Variants in NRG1 observed in about 807,000 individuals in gnomAD.
The protein encoded by NRG1 is pro-neuregulin-1, membrane-bound isoform.
Under a neutral mutation model 63.8 loss-of-function variants are expected in NRG1, and 18 were observed. The observed-to-expected ratio is 0.28, with a 90% CI of 0.19 to 0.42. NRG1 has a LOEUF of 0.42. Among genes scored for constraint, NRG1 ranks in the 10% least tolerant of loss-of-function variants. NRG1 has a pLI of 1.00. For synonymous variants in NRG1, 302 were observed against 301.3 expected, an observed-to-expected ratio of 1.00 and a Z score of -0.02; for missense variants, 762 against 814.7, an observed-to-expected ratio of 0.94 and a Z score of 0.79.
intron 1 of NRG1, among the ~76,000 whole-genome samples, chr8:31,789,953 T>G (rs976505930): frequency 6.6e-6 from 1 of 152,184 alleles, no homozygotes; most frequent in Admixed American, 6.5e-5. Flanking sequence ...TGATCTTTTT[T>G]TAGGGAATTA....
At chr8:32,204,355 A>C (rs1328563899) in intron 1 of NRG1, among the ~76,000 whole-genome samples, 3 of 152,208 alleles carry the variant, frequency 2.0e-5, no homozygotes, top group African/African-American at 7.2e-5. Context: ...GCATGGTTTT[A>C]CATGAACCTA....
intron 1 of NRG1, among the ~76,000 whole-genome samples, chr8:31,707,166 ATCTT>A (rs1482280021): frequency 3.9e-5 from 6 of 152,078 alleles, no homozygotes; most frequent in African/African-American, 1.4e-4. Flanking sequence ...CTTTTGTATT[ATCTT>A]TAATATCACA....
Position 32,728,142 on chromosome 8 carries a change from C to T in NRG1, c.632+64C>T, listed in dbSNP as rs982506950. 5 of 1,595,080 alleles carry T rather than the reference C, an allele frequency of 3.1e-6. No homozygotes were observed. The African/African-American group carries it at 5.4e-5, about 17-fold the overall frequency. ...CTCCTTGTTTCAGATGATTCTATGT[C>T]TCATGATGTATTGTTGCTTTTTTTC... On this transcript the variant is annotated intron_variant, in intron 6 of 11. Transcript: ENST00000356819.
chr8:32,671,269 C>T lies in NRG1; in HGVS notation c.502+54384C>T, dbSNP rs144521470. Among the ~76,000 whole-genome samples the T allele has an allele frequency of 2.7e-3, 417 of 152,250 alleles. 2 individuals are homozygous for T. Among genetic ancestry groups the T allele is most frequent in the African/African-American group, 9.1e-3 (378 of 41,548 alleles). ...TTTCCTCACCTCTTCCTTTGTTCCTCCTCATCATATTACAACCTTCTGCTT... is the reference window on the plus strand; with the variant it reads ...TTTCCTCACCTCTTCCTTTGTTCCTTCTCATCATATTACAACCTTCTGCTT... On this transcript the variant is annotated intron_variant, in intron 5 of 11. Transcript: ENST00000356819.
In NRG1 at chr8:32,170,778, C is replaced by T. The variant is rs149031222; in HGVS notation, c.38-425050C>T. Among the ~76,000 whole-genome samples the T allele has an allele frequency of 9.7e-4, 147 of 152,276 alleles. 1 individual carries two copies. Among genetic ancestry groups the T allele is most frequent in the African/African-American group, 3.4e-3 (141 of 41,568 alleles). On this transcript the variant is annotated intron_variant, in intron 1 of 10. Coordinates refer to the NRG1 transcript ENST00000519301. The stretch of plus-strand genomic sequence containing the variant: ...GTCTCCAAAGTGATTGCTCTAGAGA[C>T]ATTTATCAATCCACCGGTGGCTTCT...
At chr8:32,132,342 C>G (rs1192068280) in intron 1 of NRG1, among the ~76,000 whole-genome samples, 1 of 151,622 alleles carries the variant, frequency 6.6e-6, no homozygotes, top group East Asian at 1.9e-4. Context: ...TTTGAACAGC[C>G]CTTTTCTTAA....
chr8:32,211,128 T>TTTC (rs776798285), intron 1 of NRG1, among the ~76,000 whole-genome samples: 10 of 152,204 alleles, frequency 6.6e-5, no homozygotes, highest in Non-Finnish European at 1.2e-4. Context: ...TTTTGGTGTG[T>TTTC]TTCTTATAGC....
chr8:31,852,731 T>C (rs984928740), intron 1 of NRG1, among the ~76,000 whole-genome samples: 2 of 152,258 alleles, frequency 1.3e-5, no homozygotes, highest in Non-Finnish European at 2.9e-5. Context: ...TCTAGGGTTT[T>C]CATGGCTTTA....
chr8:32,220,226 T>A (rs894124021), intron 1 of NRG1, among the ~76,000 whole-genome samples: 4 of 152,210 alleles, frequency 2.6e-5, no homozygotes, highest in Non-Finnish European at 5.9e-5. Flanking sequence ...TTGTTATTTT[T>A]AAAAATGTCT....
At chr8:32,174,503 T>C (rs1840462457) in intron 1 of NRG1, among the ~76,000 whole-genome samples, 1 of 151,608 alleles carries the variant, frequency 6.6e-6, no homozygotes, top group Non-Finnish European at 1.5e-5. Flanking sequence ...CTGAAGGAAA[T>C]AGAGACACAA....
At chr8:32,274,436 CT>C (rs1345846940) in intron 1 of NRG1, among the ~76,000 whole-genome samples, 1 of 152,196 alleles carries the variant, frequency 6.6e-6, no homozygotes, top group African/African-American at 2.4e-5. Flanking sequence ...ACTGTTTAGC[CT>C]TCAGGAGACC....
chr8:32,682,239 A>T, intron 5 of NRG1, among the ~76,000 whole-genome samples: 1 of 152,192 alleles, frequency 6.6e-6, no homozygotes, highest in Non-Finnish European at 1.5e-5. Context: ...TGCTATTATT[A>T]TGATGAATCA....
chr8:32,760,380 C>T (rs1830476861), exon 11 of NRG1: 1 of 1,613,932 alleles, frequency 6.2e-7, no homozygotes, highest in Non-Finnish European at 8.5e-7. Flanking sequence ...CCCCTGATTC[C>T]TACCGAGACT....
intron 1 of NRG1, among the ~76,000 whole-genome samples, chr8:32,199,923 G>A (rs1332430894): frequency 6.6e-6 from 1 of 152,068 alleles, no homozygotes; most frequent in Non-Finnish European, 1.5e-5. Flanking sequence ...GGGATTACAG[G>A]TGCGCACCAT....
At chr8:32,365,778 T>A (rs1297309066) in intron 1 of NRG1, among the ~76,000 whole-genome samples, 2 of 152,190 alleles carry the variant, frequency 1.3e-5, no homozygotes, top group Non-Finnish European at 2.9e-5. Flanking sequence ...GCAGGAGGAT[T>A]TGACCCTCAG....
chr8:32,271,427 G>T (rs372226006), intron 1 of NRG1, among the ~76,000 whole-genome samples: 1 of 152,170 alleles, frequency 6.6e-6, no homozygotes, highest in Non-Finnish European at 1.5e-5. Context: ...AAGAGACTGA[G>T]TATTTGTCAC....
chr8:32,666,652 A>G (rs1469032589), intron 5 of NRG1, among the ~76,000 whole-genome samples: 3 of 152,134 alleles, frequency 2.0e-5, no homozygotes, highest in African/African-American at 7.2e-5. Context: ...ATACCATGAA[A>G]TTTGCTGTCT....
chr8:31,751,581 T>C (rs1301991490), intron 1 of NRG1, among the ~76,000 whole-genome samples: 3 of 151,978 alleles, frequency 2.0e-5, no homozygotes, highest in African/African-American at 7.2e-5. Flanking sequence ...GAAGCTTGAA[T>C]CAAAGACTGT....
At chr8:32,141,987 T>A (rs1192578830) in intron 1 of NRG1, among the ~76,000 whole-genome samples, 2 of 152,138 alleles carry the variant, frequency 1.3e-5, no homozygotes, top group East Asian at 3.9e-4. Flanking sequence ...TGGACTCTGT[T>A]GCTATCCCTG....
Sources: gnomAD v4.1 joint callset for allele counts (sites outside exome capture counted in the v4.1 genomes callset) on GRCh38, gnomAD v4.1.1 for gene constraint, MANE v1.5 for transcripts, NCBI Gene and HGNC (gene_info 2026-07-23, HGNC 2026-07-21) for gene names.